PTK2B: variants seen among roughly 807,000 people sequenced by gnomAD.
PTK2B encodes protein-tyrosine kinase 2-beta.
A neutral mutation model predicts 142.9 loss-of-function variants in PTK2B; 71 were observed. The ratio of observed to expected loss-of-function variants is 0.50; its 90% CI spans 0.41 to 0.61. The LOEUF is 0.61. Among genes scored for constraint, PTK2B ranks in the 20% least tolerant of loss-of-function variants. The pLI, the probability that PTK2B is intolerant of heterozygous loss-of-function variation, is 0.00. For synonymous variants in PTK2B, 519 were observed against 503.4 expected, an observed-to-expected ratio of 1.03 and a Z score of -0.42; for missense variants, 1,105 against 1,320.4, an observed-to-expected ratio of 0.84 and a Z score of 2.53.
At chr8:27,334,828 C>A (rs1488837656) in intron 1 of PTK2B, among the ~76,000 whole-genome samples, 1 of 152,162 alleles carries the variant, frequency 6.6e-6, no homozygotes. Context: ...GGTTAGGATG[C>A]CCTTCTTGCC....
intron 1 of PTK2B, among the ~76,000 whole-genome samples, chr8:27,358,217 A>C (rs1216814638): frequency 2.0e-5 from 3 of 152,208 alleles, no homozygotes; most frequent in Non-Finnish European, 2.9e-5. Context: ...TCTGCACTGT[A>C]GGTTCAGCTG....
At chr8:27,368,480 C>T (rs748481112) in intron 1 of PTK2B, among the ~76,000 whole-genome samples, 1 of 152,208 alleles carries the variant, frequency 6.6e-6, no homozygotes, top group African/African-American at 2.4e-5. Flanking sequence ...CAGCTGTTCC[C>T]CTTGTGGTAG....
intron 1 of PTK2B, among the ~76,000 whole-genome samples, chr8:27,370,575 T>G (rs1270872266): frequency 6.6e-6 from 1 of 152,216 alleles, no homozygotes; most frequent in South Asian, 2.1e-4. Context: ...TATGCCTAAC[T>G]CCACTCACCA....
intron 1 of PTK2B, among the ~76,000 whole-genome samples, chr8:27,357,904 A>G (rs1309069749): frequency 1.3e-5 from 2 of 152,186 alleles, no homozygotes; most frequent in Non-Finnish European, 2.9e-5. Context: ...GATGACTGCA[A>G]TTTAGACTCT....
At chr8:27,449,126 G>C (rs1007802053) in intron 24 of PTK2B, among the ~76,000 whole-genome samples, 1 of 152,174 alleles carries the variant, frequency 6.6e-6, no homozygotes, top group African/African-American at 2.4e-5. Flanking sequence ...GGACTTGTCT[G>C]GCTCCAAATG....
intron 1 of PTK2B, among the ~76,000 whole-genome samples, chr8:27,378,660 A>C (rs1056511585): frequency 6.7e-6 from 1 of 150,302 alleles, no homozygotes; most frequent in African/African-American, 2.4e-5. Flanking sequence ...TACACAAGGC[A>C]ATCAGAATAT....
intron 3 of PTK2B, among the ~76,000 whole-genome samples, chr8:27,317,660 G>C (rs531042688): frequency 1.3e-5 from 2 of 152,180 alleles, no homozygotes; most frequent in African/African-American, 4.8e-5. Context: ...TTTTCTGCAT[G>C]GCAATAGACT....
intron 2 of PTK2B, among the ~76,000 whole-genome samples, chr8:27,400,922 TC>T (rs1204429865): frequency 2.6e-5 from 4 of 152,012 alleles, no homozygotes; most frequent in Non-Finnish European, 5.9e-5. Context: ...GAAAAACAGA[TC>T]CAGCACGAGG....
upstream of PTK2B, among the ~76,000 whole-genome samples, chr8:27,321,690 G>A (rs1032187355): frequency 9.9e-5 from 15 of 152,170 alleles, no homozygotes; most frequent in African/African-American, 2.4e-4. Context: ...CAACCATTGC[G>A]GAGAACTTAA....
intron 1 of PTK2B, among the ~76,000 whole-genome samples, chr8:27,340,291 G>A (rs1469319794): frequency 6.6e-6 from 1 of 152,240 alleles, no homozygotes; most frequent in Non-Finnish European, 1.5e-5. Flanking sequence ...TTACCAAGAG[G>A]TGGCCCAAAA....
intron 1 of PTK2B, among the ~76,000 whole-genome samples, chr8:27,373,590 G>A (rs963135641): frequency 6.6e-6 from 1 of 152,118 alleles, no homozygotes; most frequent in African/African-American, 2.4e-5. Context: ...GCTGAGGCAG[G>A]AGAATCACTT....
At chr8:27,328,607 G>A (rs1423888062) in intron 1 of PTK2B, among the ~76,000 whole-genome samples, 2 of 152,182 alleles carry the variant, frequency 1.3e-5, no homozygotes, top group Admixed American at 6.5e-5. Flanking sequence ...ACCCTATGGC[G>A]TGAGATGGAT....
chr8:27,403,574 G>T (rs1808507854), intron 2 of PTK2B, among the ~76,000 whole-genome samples: 3 of 152,150 alleles, frequency 2.0e-5, no homozygotes, highest in Admixed American at 2.0e-4. Flanking sequence ...ATATTCATAG[G>T]AAATTGTGTT....
At chr8:27,442,826 G>A (rs758849878) in intron 21 of PTK2B, 49 bp from the exon 22 acceptor site, 42 of 1,515,004 alleles carry the variant, frequency 2.8e-5, no homozygotes, top group Admixed American at 3.4e-5. Context: ...CCCAAGGAGC[G>A]TCTCACTTTG....
chr8:27,417,098 G>A (rs1345988658), intron 2 of PTK2B, among the ~76,000 whole-genome samples: 2 of 152,128 alleles, frequency 1.3e-5, no homozygotes, highest in South Asian at 2.1e-4. Context: ...TTATCCACAG[G>A]AAATCACAAT....
At chr8:27,319,811 CTT>C (rs771148460) in intron 3 of PTK2B, among the ~76,000 whole-genome samples, 38 of 152,116 alleles carry the variant, frequency 2.5e-4, no homozygotes, top group Non-Finnish European at 3.8e-4. Context: ...TCTGCCTTAA[CTT>C]ATATCTAAAA....
chr8:27,440,786 T>A (rs1811112645), intron 21 of PTK2B, among the ~76,000 whole-genome samples: 1 of 152,218 alleles, frequency 6.6e-6, no homozygotes, highest in Non-Finnish European at 1.5e-5. Context: ...TCCTCTCGCC[T>A]TGTCTCTCGA....
intron 24 of PTK2B, among the ~76,000 whole-genome samples, chr8:27,450,100 C>G (rs1485495963): frequency 6.6e-6 from 1 of 152,054 alleles, no homozygotes; most frequent in Non-Finnish European, 1.5e-5. Context: ...GTTAAATAAC[C>G]CAAGCTATTA....
chr8:27,405,101 C>T (rs1318203383), intron 2 of PTK2B, among the ~76,000 whole-genome samples: 6 of 139,962 alleles, frequency 4.3e-5, no homozygotes, highest in Non-Finnish European at 9.1e-5. Context: ...AGAAGGTGTA[C>T]TTCTGTAAAT....
Sources: gnomAD v4.1 joint callset for allele counts (sites outside exome capture counted in the v4.1 genomes callset) on GRCh38, gnomAD v4.1.1 for gene constraint, MANE v1.5 for transcripts, NCBI Gene and HGNC (gene_info 2026-07-23, HGNC 2026-07-21) for gene names.